The following PVT1 variants were observed in gnomAD, a reference collection of about 807,000 sequenced individuals.
PVT1 encodes the protein CXCR4/PVT1 fusion.
At chr8:127,923,349 C>G (rs1297939447) in intron 3 of PVT1, among the ~76,000 whole-genome samples, 2 of 152,240 alleles carry the variant, frequency 1.3e-5, no homozygotes, top group Non-Finnish European at 2.9e-5. Context: ...TGTCACACAG[C>G]TGATAAATGA....
intron 3 of PVT1, among the ~76,000 whole-genome samples, chr8:127,892,358 C>A (rs1815622502): frequency 6.6e-6 from 1 of 152,190 alleles, no homozygotes; most frequent in Non-Finnish European, 1.5e-5. Flanking sequence ...AGGCTAGACA[C>A]ATACATAGTA....
At chr8:128,030,635 A>G (rs917166010) in intron 4 of PVT1, among the ~76,000 whole-genome samples, 1 of 152,222 alleles carries the variant, frequency 6.6e-6, no homozygotes, top group African/African-American at 2.4e-5. Context: ...CAACAAGAAC[A>G]TAAGTTTCTT....
chr8:127,848,160 AG>A (rs1815056572), intron 2 of PVT1, among the ~76,000 whole-genome samples: 1 of 152,180 alleles, frequency 6.6e-6, no homozygotes, highest in Non-Finnish European at 1.5e-5. Context: ...CATTTTTAGG[AG>A]GGAGACCCCA....
chr8:127,887,786 C>G (rs769656570), intron 2 of PVT1, among the ~76,000 whole-genome samples: 9 of 152,010 alleles, frequency 5.9e-5, no homozygotes, highest in Non-Finnish European at 1.2e-4. Context: ...CTCAGCCTCC[C>G]AAAGTGCTGG....
chr8:127,837,201 G>A (rs1040771411), intron 2 of PVT1, among the ~76,000 whole-genome samples: 3 of 152,142 alleles, frequency 2.0e-5, no homozygotes, highest in East Asian at 1.9e-4. Context: ...AGAGATAGAC[G>A]CTTGGGTCTC....
rs5894901 is a variant in PVT1 at position 127,826,994 on chromosome 8, CTTTT to C, written n.372+30938_372+30941del. On this transcript the variant is annotated intron_variant and non_coding_transcript_variant, in intron 2 of 10. Transcript: ENST00000651587. The stretch of plus-strand genomic sequence containing the variant: ...TTTCTTTTTCTTTCTTTCTTTTTCT[CTTTT>C]TTTTTTTTTTTTTTGAGATGGAGTT... Among the ~76,000 whole-genome samples, 229 of 113,932 alleles carry C rather than the reference CTTTT, an allele frequency of 2.0e-3. 1 individual carries two copies. The highest frequency in any genetic ancestry group is 7.6e-3 in the African/African-American group (218 of 28,564). The allele number at this position is 113,932 out of a possible 152,430, so 74.7% of individuals were successfully genotyped here. A position where few individuals can be genotyped will look rare whatever the true frequency, so the allele number is the denominator to read the frequency against.
At chr8:127,944,501 G>A (rs1188017443) in intron 3 of PVT1, among the ~76,000 whole-genome samples, 2 of 151,312 alleles carry the variant, frequency 1.3e-5, no homozygotes, top group African/African-American at 2.4e-5. Flanking sequence ...GCTACTGGCT[G>A]TGCTGCCTGA....
In PVT1 at chr8:127,895,564, T is replaced by G. The variant is rs570894494; in HGVS notation, n.782+4566T>G. ...AAGAGAACATATTAAAAGGTTTCAT[T>G]CAGTGCCAGGCATATAATATGTACT... On this transcript the variant is annotated intron_variant and non_coding_transcript_variant, in intron 3 of 10. Coordinates refer to ENST00000651587, the Ensembl canonical transcript of PVT1. Among the ~76,000 whole-genome samples the G allele has an allele frequency of 1.4e-4, 21 of 152,286 alleles. No homozygotes were observed. The East Asian group carries it at 4.0e-3, about 29-fold the overall frequency.
intron 4 of PVT1, among the ~76,000 whole-genome samples, chr8:128,026,091 C>T (rs7815406): frequency 0.085 from 12,881 of 152,020 alleles, 683 homozygotes; most frequent in Middle Eastern, 0.15. Context: ...TACAGGTGTG[C>T]ACTACCACAC....
chr8:128,064,692 C>A (rs997573920), intron 4 of PVT1, among the ~76,000 whole-genome samples: 3 of 152,070 alleles, frequency 2.0e-5, no homozygotes, highest in African/African-American at 7.2e-5. Flanking sequence ...TTTCAAAGAC[C>A]CACAAACAAA....
exon 4 of PVT1, chr8:127,989,221 C>T (rs1817003129): frequency 6.6e-6 from 1 of 152,208 alleles, no homozygotes; most frequent in Non-Finnish European, 1.5e-5. Context: ...ATCCTTTCAG[C>T]ACTCTGGACG....
At chr8:127,971,515 C>T (rs1021526531) in intron 3 of PVT1, among the ~76,000 whole-genome samples, 1 of 151,560 alleles carries the variant, frequency 6.6e-6, no homozygotes, top group Non-Finnish European at 1.5e-5. Flanking sequence ...CCTGCACTGG[C>T]ATAGAGCAGG....
chr8:127,889,647 A>G (rs1410863820), intron 2 of PVT1, among the ~76,000 whole-genome samples: 1 of 152,162 alleles, frequency 6.6e-6, no homozygotes, highest in Non-Finnish European at 1.5e-5. Flanking sequence ...GGAATCCCTC[A>G]CTAGGTAACT....
At chr8:127,967,771 A>G (rs893670117) in intron 3 of PVT1, among the ~76,000 whole-genome samples, 1 of 152,220 alleles carries the variant, frequency 6.6e-6, no homozygotes, top group Non-Finnish European at 1.5e-5. Context: ...ACATCCAGAT[A>G]AGGAGAAGAG....
intron 2 of PVT1, among the ~76,000 whole-genome samples, chr8:127,813,214 T>TATATATATATAATATATACAA (rs1563612066): frequency 1.1e-4 from 16 of 139,958 alleles, no homozygotes; most frequent in Admixed American, 2.2e-4. Flanking sequence ...TATACAAATA[T>TATATATATATAATATATACAA]ATATATATAA....
intron 4 of PVT1, among the ~76,000 whole-genome samples, chr8:127,990,727 G>T (rs980087515): frequency 6.6e-6 from 1 of 152,190 alleles, no homozygotes; most frequent in Non-Finnish European, 1.5e-5. Context: ...GCGCATTTGC[G>T]TTTCAAATCT....
chr8:127,927,609 A>G (rs1586439833), intron 3 of PVT1, among the ~76,000 whole-genome samples: 1 of 152,082 alleles, frequency 6.6e-6, no homozygotes, highest in Admixed American at 6.5e-5. Flanking sequence ...GTGGGGGTGT[A>G]TGAAGAGTAT....
chr8:127,935,634 C>A (rs1387271790), intron 3 of PVT1, among the ~76,000 whole-genome samples: 1 of 152,104 alleles, frequency 6.6e-6, no homozygotes, highest in African/African-American at 2.4e-5. Flanking sequence ...CCATGCGTGG[C>A]CCGATGGCAC....
At chr8:127,976,774 A>T (rs769544526) in intron 3 of PVT1, among the ~76,000 whole-genome samples, 6 of 152,156 alleles carry the variant, frequency 3.9e-5, no homozygotes, top group Non-Finnish European at 8.8e-5. Context: ...CAGAGGTCAC[A>T]CAGGAAGGAA....
Sources: allele counts gnomAD v4.1 joint callset (sites outside exome capture counted in the v4.1 genomes callset), GRCh38; gene constraint gnomAD v4.1.1; transcripts MANE v1.5; gene names NCBI Gene and HGNC (gene_info 2026-07-23, HGNC 2026-07-21).